DPP6: variants seen among roughly 807,000 people sequenced by gnomAD.
DPP6 encodes dipeptidyl peptidase like 6, also known as A-type potassium channel modulatory protein DPP6.
A neutral mutation model predicts 122.6 loss-of-function variants in DPP6; 69 were observed. The ratio of observed to expected loss-of-function variants is 0.56; its 90% confidence interval spans 0.46 to 0.69. The LOEUF (loss-of-function observed/expected upper bound fraction) is 0.69, where lower values mean the gene tolerates loss of function less well. Ranked by LOEUF, DPP6 falls within the 30% of genes least tolerant of loss-of-function variation. The pLI, the probability that DPP6 is intolerant of heterozygous loss-of-function variation, is 0.00. For missense variants in DPP6, 928 were observed against 1,116.9 expected, an observed-to-expected ratio of 0.83 and a Z score of 2.41; for synonymous variants, 418 against 433.1, an observed-to-expected ratio of 0.97 and a Z score of 0.43.
chr7:154,432,180 G>C (rs1347567152), intron 1 of DPP6, among the ~76,000 whole-genome samples: 1 of 152,184 alleles, frequency 6.6e-6, no homozygotes, highest in Non-Finnish European at 1.5e-5. Context: ...ATTAAGTAAA[G>C]CTAGTTTTAA....
intron 1 of DPP6, among the ~76,000 whole-genome samples, chr7:154,100,250 GAA>G (rs1805638122): frequency 9.9e-6 from 1 of 101,342 alleles, no homozygotes; most frequent in Non-Finnish European, 2.0e-5. Context: ...TTTACAAACT[GAA>G]AGTCCCTTAG....
intron 16 of DPP6, among the ~76,000 whole-genome samples, chr7:154,831,588 G>A (rs977151604): frequency 1.3e-5 from 2 of 151,986 alleles, no homozygotes; most frequent in African/African-American, 4.8e-5. Context: ...GTTTATGAAT[G>A]TTACAAACAT....
intron 1 of DPP6, among the ~76,000 whole-genome samples, chr7:154,087,588 A>G (rs1804516182): frequency 6.6e-6 from 1 of 152,156 alleles, no homozygotes; most frequent in Non-Finnish European, 1.5e-5. Context: ...ACAGTGAGTG[A>G]TTGTTCTTCT....
intron 8 of DPP6, among the ~76,000 whole-genome samples, chr7:154,742,507 T>G (rs779608384): frequency 2.0e-5 from 3 of 152,226 alleles, no homozygotes; most frequent in Admixed American, 6.5e-5. Flanking sequence ...CCAAATTTCC[T>G]TCTCTGGAGA....
chr7:154,453,379 T>TA (rs1291516507), intron 2 of DPP6, among the ~76,000 whole-genome samples: 1 of 152,164 alleles, frequency 6.6e-6, no homozygotes, highest in African/African-American at 2.4e-5. Flanking sequence ...AAACGTAACA[T>TA]AGAGATTACT....
In DPP6 at chr7:154,361,976, C is replaced by T. The variant is rs1037314493; in HGVS notation, c.244-84238C>T. Among the ~76,000 whole-genome samples, 4 of 152,174 alleles carry T rather than the reference C, an allele frequency of 2.6e-5. No homozygotes were observed. In the East Asian group the frequency reaches 7.7e-4, roughly 29 times the overall value. On this transcript the variant is annotated intron_variant, in intron 1 of 25. Transcript: ENST00000377770. The stretch of plus-strand genomic sequence containing the variant: ...GGAGTGTCAGGTTCAGCCCTAGAAG[C>T]CACGTTGTCTGGTGGTGAACACTGA...
At position 154,624,432 on chromosome 7, in the gene DPP6, C is replaced by T. The variant is rs771924698; in HGVS notation, c.628-13389C>T. Among the ~76,000 whole-genome samples, 8 of 151,794 alleles carry T rather than the reference C, an allele frequency of 5.3e-5. No individual in the cohort carries two copies. The highest frequency in any genetic ancestry group is 1.3e-4 in the Admixed American group (2 of 15,238). On this transcript the variant is annotated intron_variant, in intron 5 of 25. Coordinates refer to ENST00000377770, the MANE Select transcript of DPP6 (RefSeq NM_130797.4). The surrounding 1 kb of genome is among the most constrained non-coding windows in gnomAD (Gnocchi z 4.7). ...ACTTGTACCCAGGAGACAGAGATTG[C>T]GCCGCTGCCTTCCAACCTGGGCAAC...
intron 7 of DPP6, among the ~76,000 whole-genome samples, chr7:154,693,113 A>G (rs935995637): frequency 4.4e-5 from 1 of 22,718 alleles, no homozygotes; most frequent in Non-Finnish European, 1.8e-4. Flanking sequence ...TCTACTGACA[A>G]TTAACCTTCT....
At chr7:154,588,924 G>A (rs1832641198) in intron 5 of DPP6, among the ~76,000 whole-genome samples, 2 of 152,148 alleles carry the variant, frequency 1.3e-5, no homozygotes, top group African/African-American at 4.8e-5. Context: ...TAAAAACTGT[G>A]CCCATGTGAA....
At chr7:154,502,784 C>G (rs561764098) in intron 3 of DPP6, among the ~76,000 whole-genome samples, 1 of 152,172 alleles carries the variant, frequency 6.6e-6, no homozygotes, top group Admixed American at 6.5e-5. Context: ...TTTTGTAGTT[C>G]GTAGGAAGGC....
chr7:154,277,040 A>G (rs1400882788), intron 1 of DPP6, among the ~76,000 whole-genome samples: 1 of 152,188 alleles, frequency 6.6e-6, no homozygotes, highest in Non-Finnish European at 1.5e-5. Context: ...CAAAAAATAC[A>G]AAAATGTGGA....
intron 1 of DPP6, among the ~76,000 whole-genome samples, chr7:154,134,671 A>G (rs1354299869): frequency 6.6e-6 from 1 of 151,918 alleles, no homozygotes; most frequent in East Asian, 1.9e-4. Context: ...GTGAGCATAC[A>G]CTTCCTGTAA....
intron 5 of DPP6, among the ~76,000 whole-genome samples, chr7:154,625,676 AG>A (rs1006236430): frequency 6.6e-6 from 1 of 152,212 alleles, no homozygotes; most frequent in African/African-American, 2.4e-5. Flanking sequence ...GAAATACAGC[AG>A]GGAAGGCTGC....
intron 1 of DPP6, among the ~76,000 whole-genome samples, chr7:154,226,186 G>A (rs1168865885): frequency 6.6e-6 from 1 of 152,176 alleles, no homozygotes; most frequent in Non-Finnish European, 1.5e-5. Context: ...AGATGAGAGG[G>A]AAGGTGGAGT....
rs902791321 is a variant in DPP6 at position 154,403,081 on chromosome 7, T to G, written c.244-43133T>G. 6.6e-6 allele frequency among the ~76,000 whole-genome samples: 1 copy of G among 152,210 alleles called. No homozygotes were observed. Among genetic ancestry groups the G allele is most frequent in the Non-Finnish European group, 1.5e-5 (1 of 68,024 alleles). The stretch of plus-strand genomic sequence containing the variant: ...TATTTATATGACTGTGTCAGGTACC[T>G]GCCTGAAAATGCTCAACACTGTCCA... On this transcript the variant is annotated intron_variant, in intron 1 of 25. Transcript: ENST00000377770. This position sits in a 1 kb window ranked among gnomAD's most constrained non-coding sequence, Gnocchi z 4.1.
chr7:153,774,327 T>A, the DPP6 span, among the ~76,000 whole-genome samples: 3 of 152,164 alleles, frequency 2.0e-5, no homozygotes, highest in Non-Finnish European at 4.4e-5. Context: ...GAGGTTAAGA[T>A]CATTGGCAAG....
At position 154,464,080 on chromosome 7, in the gene DPP6, G is replaced by A. The variant is rs140259139; in HGVS notation, c.359-10859G>A. Among the ~76,000 whole-genome samples the A allele has an allele frequency of 9.2e-5, 14 of 152,300 alleles. No individual in the cohort carries two copies. The East Asian group carries it at 2.5e-3, about 27-fold the overall frequency. On this transcript the variant is annotated intron_variant, in intron 2 of 25. Coordinates refer to ENST00000377770, the MANE Select transcript of DPP6 (RefSeq NM_130797.4). ...TAGACTGCCTTTCAAGTTATTTTAG[G>A]ACCCCAGACCACTTTAGCCCACAGT... is the stretch of plus-strand genomic sequence containing the variant.
chr7:153,924,133 T>C (rs917854281), intron 1 of DPP6, among the ~76,000 whole-genome samples: 2 of 151,876 alleles, frequency 1.3e-5, no homozygotes, highest in South Asian at 2.1e-4. Flanking sequence ...TTTTTTTTTT[T>C]CGAGACGGAG....
intron 1 of DPP6, among the ~76,000 whole-genome samples, chr7:153,961,591 G>C (rs550865648): frequency 2.8e-4 from 42 of 151,578 alleles, no homozygotes; most frequent in African/African-American, 9.5e-4. Context: ...GTTTCAGGAT[G>C]ATTCAAGCAC....
Sources: allele counts gnomAD v4.1 joint callset (sites outside exome capture counted in the v4.1 genomes callset), GRCh38; gene constraint gnomAD v4.1.1; non-coding constraint Gnocchi (gnomAD v3.1); transcripts MANE v1.5; gene names NCBI Gene and HGNC (gene_info 2026-07-23, HGNC 2026-07-21).